Variants in RNF24 observed in about 807,000 individuals in gnomAD.
The protein encoded by RNF24 is ring finger protein 24.
A neutral mutation model predicts 20.0 loss-of-function variants in RNF24; 14 were observed. The observed-to-expected ratio is 0.70, with a 90% confidence interval of 0.46 to 1.10. RNF24 has a LOEUF of 1.10. Among genes scored for constraint, RNF24 ranks in the 50% least tolerant of loss-of-function variants. RNF24 has a pLI of 0.00. For missense variants in RNF24, 124 were observed against 177.6 expected, an observed-to-expected ratio of 0.70 and a Z score of 1.71; for synonymous variants, 45 against 61.1, an observed-to-expected ratio of 0.74 and a Z score of 1.23.
At chr20:3,995,759 T>C (rs1980806972) in intron 1 of RNF24, among the ~76,000 whole-genome samples, 1 of 152,258 alleles carries the variant, frequency 6.6e-6, no homozygotes, top group South Asian at 2.1e-4. Context: ...AGGCAGCCAA[T>C]GGAACAACTG....
chr20:3,968,209 G>A (rs2091280067), intron 1 of RNF24, among the ~76,000 whole-genome samples: 1 of 152,064 alleles, frequency 6.6e-6, no homozygotes, highest in African/African-American at 2.4e-5. Flanking sequence ...GGAAGCTGAG[G>A]CAGATTAGCT....
At chr20:3,973,898 A>G (rs1277905492) in intron 1 of RNF24, among the ~76,000 whole-genome samples, 2 of 152,180 alleles carry the variant, frequency 1.3e-5, no homozygotes, top group Non-Finnish European at 2.9e-5. Flanking sequence ...TTTGAAGCCA[A>G]TGCGACCTTG....
chr20:4,000,557 T>A (rs1178290956), intron 1 of RNF24, among the ~76,000 whole-genome samples: 1 of 151,984 alleles, frequency 6.6e-6, no homozygotes, highest in Non-Finnish European at 1.5e-5. Flanking sequence ...GCATATATAA[T>A]CTCCTTAAAA....
At chr20:3,998,004 A>G (rs1981029445) in intron 1 of RNF24, among the ~76,000 whole-genome samples, 1 of 152,224 alleles carries the variant, frequency 6.6e-6, no homozygotes, top group Admixed American at 6.5e-5. Flanking sequence ...TTTTCAAACT[A>G]CATCCAAAAA....
intron 1 of RNF24, among the ~76,000 whole-genome samples, chr20:4,006,187 G>C (rs1266376807): frequency 6.6e-6 from 1 of 152,124 alleles, no homozygotes; most frequent in Non-Finnish European, 1.5e-5. Context: ...TGGCCAACAT[G>C]GTGAAACCCT....
chr20:4,015,500 C>T lies in RNF24; in HGVS notation c.-71G>A, dbSNP rs1600736116. ...TCAGCGCCCTGCGGCGGGCGGCAGG[C>T]TGCGGGCGGCGAGCGTCCGTCCGGA... On this transcript the variant is annotated 5_prime_UTR_variant, in exon 1 of 6. Coordinates refer to ENST00000358395, the MANE Select transcript of RNF24 (RefSeq NM_001134337.3). 6.6e-6 allele frequency: 1 copy of T among 150,952 alleles called. No homozygotes were observed. Among genetic ancestry groups the T allele is most frequent in the South Asian group, 2.0e-4 (1 of 5,070 alleles). The allele number at this position is 150,952 out of a possible 1,614,324, so 9.4% of individuals were successfully genotyped here. A position where few individuals can be genotyped will look rare whatever the true frequency, so the allele number is the denominator to read the frequency against.
intron 1 of RNF24, among the ~76,000 whole-genome samples, chr20:3,990,354 CAA>C (rs1286606881): frequency 6.6e-6 from 1 of 152,106 alleles, no homozygotes; most frequent in Non-Finnish European, 1.5e-5. Flanking sequence ...AGCAACTCAG[CAA>C]AATTATACAT....
intron 4 of RNF24, among the ~76,000 whole-genome samples, chr20:3,940,781 T>C (rs1477280156): frequency 6.6e-6 from 1 of 152,168 alleles, no homozygotes; most frequent in Admixed American, 6.5e-5. Context: ...GCATAAAAAC[T>C]GTCAACCTGG....
intron 1 of RNF24, among the ~76,000 whole-genome samples, chr20:3,968,517 C>A (rs2091283128): frequency 6.6e-6 from 1 of 151,986 alleles, no homozygotes; most frequent in African/African-American, 2.4e-5. Context: ...ACTCTGGAGG[C>A]TAAGATGGGA....
At chr20:3,969,827 G>GT (rs1365980455) in intron 1 of RNF24, among the ~76,000 whole-genome samples, 8 of 149,040 alleles carry the variant, frequency 5.4e-5, no homozygotes, top group Non-Finnish European at 1.2e-4. Context: ...CTGGAGTGCA[G>GT]TGGTGTGATC....
chr20:3,951,729 T>C (rs1053401001), intron 2 of RNF24, among the ~76,000 whole-genome samples: 1 of 152,240 alleles, frequency 6.6e-6, no homozygotes, highest in South Asian at 2.1e-4. Context: ...TCTAGACTCA[T>C]GGATATTGGT....
In RNF24 at chr20:3,933,023, G is replaced by C; in HGVS notation, c.*1040C>G. On this transcript the variant is annotated 3_prime_UTR_variant, in exon 6 of 6. Transcript: ENST00000358395. The stretch of plus-strand genomic sequence containing the variant: ...ATCACCAGCTTCAGAATTACACAGG[G>C]ATCTTATTTGGGATAAAGTGTTAAA... 2.5e-6 allele frequency: 1 copy of C among 396,048 alleles called. No individual in the cohort carries two copies. Among genetic ancestry groups the C allele is most frequent in the Non-Finnish European group, 4.4e-6 (1 of 225,426 alleles). The allele number at this position is 396,048 out of a possible 1,614,324, so 24.5% of individuals were successfully genotyped here.
chr20:3,927,442 ACTG>A lies in RNF24; in HGVS notation c.*6618_*6620del, dbSNP rs1424247497. ...TATACAAAAATATAGCTTACAAAAA[ACTG>A]CGAATGTTTAAAAATATTCTGCTGC... On this transcript the variant is annotated 3_prime_UTR_variant, in exon 6 of 6. Coordinates refer to ENST00000358395, the MANE Select transcript of RNF24 (RefSeq NM_001134337.3). The A allele has an allele frequency of 6.6e-6, 1 of 152,218 alleles. No homozygotes were observed. Among genetic ancestry groups the A allele is most frequent in the Non-Finnish European group, 1.5e-5 (1 of 68,042 alleles). The allele number at this position is 152,218 out of a possible 1,614,324, so 9.4% of individuals were successfully genotyped here.
intron 1 of RNF24, among the ~76,000 whole-genome samples, chr20:3,998,452 G>A (rs779507207): frequency 2.0e-5 from 3 of 151,926 alleles, no homozygotes; most frequent in Non-Finnish European, 2.9e-5. Context: ...GGACATGCCC[G>A]TAGTCCCAGC....
chr20:3,959,152 A>AT (rs2091174610), intron 2 of RNF24, among the ~76,000 whole-genome samples: 1 of 152,114 alleles, frequency 6.6e-6, no homozygotes, highest in South Asian at 2.1e-4. Flanking sequence ...AGAGCTACAC[A>AT]TCCAACTAAG....
intron 2 of RNF24, among the ~76,000 whole-genome samples, chr20:3,948,820 CTT>C (rs1299371465): frequency 6.6e-6 from 1 of 152,122 alleles, no homozygotes; most frequent in South Asian, 2.1e-4. Flanking sequence ...GGTATATACT[CTT>C]TTGTGTTTGG....
chr20:3,942,780 A>G (rs1301940452), intron 4 of RNF24, among the ~76,000 whole-genome samples: 20 of 147,104 alleles, frequency 1.4e-4, no homozygotes, highest in Non-Finnish European at 1.5e-5. Flanking sequence ...GCCTGGACAA[A>G]TATTTCAAAG....
At chr20:3,952,570 T>A (rs1164762877) in intron 2 of RNF24, among the ~76,000 whole-genome samples, 1 of 146,580 alleles carries the variant, frequency 6.8e-6, no homozygotes, top group Non-Finnish European at 1.5e-5. Context: ...TTTTCTTTTA[T>A]TCTTTTTTCC....
intron 1 of RNF24, among the ~76,000 whole-genome samples, chr20:4,011,222 C>T (rs553979097): frequency 3.9e-4 from 60 of 152,302 alleles, no homozygotes; most frequent in Admixed American, 1.5e-3. Flanking sequence ...GTCTTCAAAA[C>T]AGTCACATTA....
Sources: allele counts gnomAD v4.1 joint callset (sites outside exome capture counted in the v4.1 genomes callset), GRCh38; gene constraint gnomAD v4.1.1; transcripts MANE v1.5; gene names NCBI Gene and HGNC (gene_info 2026-07-23, HGNC 2026-07-21).